Variants in DGKI observed in about 807,000 individuals in gnomAD.
DGKI encodes the protein diacylglycerol kinase iota, also known as DAG kinase iota.
DGKI carries 55 observed loss-of-function variants against 147.5 expected under a neutral mutation model. That is an observed-to-expected ratio of 0.37 (90% CI 0.30 to 0.47). The LOEUF (loss-of-function observed/expected upper bound fraction) is 0.47. Ranked by LOEUF, DGKI falls within the 20% of genes least tolerant of loss-of-function variation. The pLI is 1.00. For missense variants in DGKI, 1,007 were observed against 1,323.8 expected, an observed-to-expected ratio of 0.76 and a Z score of 3.71; for synonymous variants, 469 against 477.1, an observed-to-expected ratio of 0.98 and a Z score of 0.22.
chr7:137,765,266 AT>A (rs147613240), intron 1 of DGKI, among the ~76,000 whole-genome samples: 1,664 of 152,204 alleles, frequency 0.011, 34 homozygotes, highest in African/African-American at 0.039. Context: ...CTGCCAGTAG[AT>A]TTTTTTCTCC....
At chr7:137,746,256 G>A (rs1563178727) in intron 1 of DGKI, among the ~76,000 whole-genome samples, 1 of 152,110 alleles carries the variant, frequency 6.6e-6, no homozygotes. Flanking sequence ...TCTGCTTTTG[G>A]GTGATGGAGC....
chr7:137,463,690 T>A (rs1304685955), intron 26 of DGKI, 79 bp from the exon 27 acceptor site: 10 of 1,547,768 alleles, frequency 6.5e-6, no homozygotes, highest in East Asian at 2.3e-5. Context: ...TGAAGATGAA[T>A]CTTGCCAGTA....
At chr7:137,696,797 A>G (rs1794854436) in intron 1 of DGKI, among the ~76,000 whole-genome samples, 1 of 152,042 alleles carries the variant, frequency 6.6e-6, no homozygotes, top group African/African-American at 2.4e-5. Flanking sequence ...AATTCCTAGT[A>G]CCTCAGAAGG....
chr7:137,477,075 C>T (rs1416615696), intron 23 of DGKI, among the ~76,000 whole-genome samples: 2 of 152,170 alleles, frequency 1.3e-5, no homozygotes, highest in Non-Finnish European at 2.9e-5. Flanking sequence ...AGATGTCAAA[C>T]TAAGCTTCCT....
chr7:137,751,791 C>A (rs1242736967), intron 1 of DGKI, among the ~76,000 whole-genome samples: 1 of 152,092 alleles, frequency 6.6e-6, no homozygotes, highest in Non-Finnish European at 1.5e-5. Flanking sequence ...AACAAGTGAG[C>A]CAGCCTGCAT....
intron 20 of DGKI, among the ~76,000 whole-genome samples, chr7:137,532,816 C>T (rs180671563): frequency 5.2e-4 from 79 of 152,242 alleles, no homozygotes; most frequent in African/African-American, 1.2e-3. Flanking sequence ...ATAAACTGCT[C>T]TTATTTCTTG....
chr7:137,698,115 T>G (rs1820280), intron 1 of DGKI, among the ~76,000 whole-genome samples: 15 of 123,396 alleles, frequency 1.2e-4, no homozygotes, highest in African/African-American at 5.0e-4. Context: ...ACTCCAGATA[T>G]ATATAGATAT....
Position 137,461,148 on chromosome 7 carries a change from G to A in DGKI, c.2735+2341C>T, listed in dbSNP as rs117514127. 2.3e-3 allele frequency among the ~76,000 whole-genome samples: 349 copies of A among 152,288 alleles called. 4 individuals are homozygous for A. In the East Asian group the frequency reaches 0.029, roughly 13 times the overall value. On this transcript the variant is annotated intron_variant, in intron 27 of 32. Transcript: ENST00000614521. ...AACCAAAGTAAACTTCTGTGGCTCT[G>A]GTACGCTGACTTTGTATGGTCCCTT...
chr7:137,669,726 AAG>A (rs1822774796), intron 3 of DGKI, among the ~76,000 whole-genome samples: 1 of 152,222 alleles, frequency 6.6e-6, no homozygotes, highest in South Asian at 2.1e-4. Flanking sequence ...ATAAAGGCAA[AAG>A]AACTGCACAA....
chr7:137,409,836 G>T (rs1005988020), intron 29 of DGKI, among the ~76,000 whole-genome samples: 1 of 151,870 alleles, frequency 6.6e-6, no homozygotes, highest in African/African-American at 2.4e-5. Flanking sequence ...TTCACACAGG[G>T]GTGGCTCCAG....
rs555316528 is a variant in DGKI, at chr7:137,675,322, C to T, written c.606+3235G>A. Among the ~76,000 whole-genome samples the T allele has an allele frequency of 3.6e-5, 5 of 139,230 alleles. No homozygotes were observed. The East Asian group carries it at 1.1e-3, about 29-fold the overall frequency. 91.3% of individuals were successfully genotyped at this position (139,230 alleles called of 152,430 possible). On this transcript the variant is annotated intron_variant, in intron 3 of 32. Transcript: ENST00000614521. ...TCAGGCTGACAAAGTTCTTTCTTATCATACGGTATTTCTCAAAGTTAGGTT... is the reference window on the plus strand; with the variant it reads ...TCAGGCTGACAAAGTTCTTTCTTATTATACGGTATTTCTCAAAGTTAGGTT...
chr7:137,618,859 C>T (rs1444905447), intron 8 of DGKI, among the ~76,000 whole-genome samples: 1 of 152,102 alleles, frequency 6.6e-6, no homozygotes, highest in African/African-American at 2.4e-5. Flanking sequence ...ATCCCAAGGG[C>T]TTCCATAGAC....
At chr7:137,689,867 T>C (rs988461178) in intron 2 of DGKI, 27 bp downstream of exon 2, 3 of 1,413,422 alleles carry the variant, frequency 2.1e-6, no homozygotes, top group African/African-American at 1.5e-5. Context: ...ACTGAAGTGA[T>C]GTTTAAATGA....
At chr7:137,729,132 G>A (rs1794797271) in intron 1 of DGKI, among the ~76,000 whole-genome samples, 1 of 147,702 alleles carries the variant, frequency 6.8e-6, no homozygotes, top group Admixed American at 6.7e-5. Flanking sequence ...ACTCAGAGAG[G>A]TGCCAAATTT....
chr7:137,642,509 C>A (rs920358766), intron 6 of DGKI, among the ~76,000 whole-genome samples: 1 of 152,346 alleles, frequency 6.6e-6, no homozygotes, highest in African/African-American at 2.4e-5. Context: ...AAACTCTCAT[C>A]AAATTACATA....
At chr7:137,526,759 T>C (rs1817160241) in intron 20 of DGKI, among the ~76,000 whole-genome samples, 1 of 152,140 alleles carries the variant, frequency 6.6e-6, no homozygotes. Flanking sequence ...TTTTCAATTG[T>C]TCCCATGTAG....
chr7:137,804,526 GT>G (rs1797306984), intron 1 of DGKI, among the ~76,000 whole-genome samples: 1 of 152,082 alleles, frequency 6.6e-6, no homozygotes, highest in African/African-American at 2.4e-5. Context: ...AAAATTATCT[GT>G]AAGAACAAAG....
intron 1 of DGKI, among the ~76,000 whole-genome samples, chr7:137,714,901 C>G (rs1312815649): frequency 1.3e-5 from 2 of 152,310 alleles, no homozygotes; most frequent in East Asian, 3.9e-4. Context: ...AAAGTAATCG[C>G]TCATTTCTAT....
In DGKI at chr7:137,389,652, A is replaced by T. The variant is rs1338025300; in HGVS notation, c.*1568T>A. ...TTATTTTTGACTTACCCCCAAGTCA[A>T]GTAGATATTTGGACAGAAAGACAGA... is the stretch of plus-strand genomic sequence containing the variant. On this transcript the variant is annotated 3_prime_UTR_variant, in exon 33 of 33. Transcript: ENST00000614521. 6.6e-6 allele frequency: 1 copy of T among 152,160 alleles called. No homozygotes were observed. Among genetic ancestry groups the T allele is most frequent in the African/African-American group, 2.4e-5 (1 of 41,446 alleles). 9.4% of individuals were successfully genotyped at this position (152,160 alleles called of 1,614,324 possible). A position where few individuals can be genotyped will look rare whatever the true frequency, so the allele number is the denominator to read the frequency against.
Sources: allele counts gnomAD v4.1 joint callset (sites outside exome capture counted in the v4.1 genomes callset), GRCh38; gene constraint gnomAD v4.1.1; transcripts MANE v1.5; gene names NCBI Gene and HGNC (gene_info 2026-07-23, HGNC 2026-07-21).